TNN: variants seen among roughly 807,000 people sequenced by gnomAD.
TNN encodes tenascin-N.
In TNN, 122 loss-of-function variants were observed where a neutral mutation model predicts 134.4. That is an observed-to-expected ratio of 0.91 (90% CI 0.78 to 1.06). TNN has a LOEUF of 1.06. TNN is among the 50% of genes least tolerant of loss of function. The probability of loss-of-function intolerance (pLI) is 0.00; values close to 1 mark genes in which losing one functional copy is unlikely to be tolerated. For missense variants in TNN, 1,739 were observed against 1,699.4 expected (o/e 1.02, Z -0.41); for synonymous variants, 710 against 670.3 (o/e 1.06, Z -0.91).
chr1:175,107,724 G>A (rs1382077614), intron 9 of TNN, among the ~76,000 whole-genome samples: 9 of 135,744 alleles, frequency 6.6e-5, no homozygotes, highest in African/African-American at 2.0e-4. Context: ...TGGTAGAGCC[G>A]AGTGGCCTGT....
intron 5 of TNN, among the ~76,000 whole-genome samples, chr1:175,084,543 A>C (rs1323018666): frequency 6.6e-6 from 1 of 152,220 alleles, no homozygotes; most frequent in South Asian, 2.1e-4. Context: ...TTTTAAGAAA[A>C]GTAATACGCA....
intron 1 of TNN, among the ~76,000 whole-genome samples, chr1:175,072,005 G>A (rs1345817014): frequency 1.3e-5 from 2 of 152,104 alleles, no homozygotes; most frequent in Non-Finnish European, 2.9e-5. Flanking sequence ...AGGATACCTG[G>A]GCTAGAAACA....
At chr1:175,130,020 G>C (rs922282336) in intron 15 of TNN, among the ~76,000 whole-genome samples, 1 of 152,202 alleles carries the variant, frequency 6.6e-6, no homozygotes, top group Non-Finnish European at 1.5e-5. Context: ...CAGCTTCTTT[G>C]ATTGCATCAG....
rs1675578703 is a variant in TNN at position 175,128,156 on chromosome 1, T to C, written c.3170T>C (p.Leu1057Pro). Residue 1057 changes from leucine (L) to proline (P), a missense_variant, in exon 14 of 19, where the codon CTC (leucine) becomes CCC (proline). Transcript: ENST00000239462. ...CGGAGCAGAAATGTATCCACCACCC[T>C]CTCCACAGGTAATATGGAATCCTGT... is the stretch of plus-strand genomic sequence containing the variant. ...GRRSRNVSTTLSTVGARFPHP... is the reference protein window; with the variant it reads ...GRRSRNVSTTPSTVGARFPHP... 3.1e-6 allele frequency: 5 copies of C among 1,602,284 alleles called. No individual in the cohort carries two copies. In the South Asian group the frequency reaches 5.6e-5, roughly 18 times the overall value.
intron 6 of TNN, among the ~76,000 whole-genome samples, chr1:175,085,927 TATCCCTTTATGTAC>T (rs1674317988): frequency 6.6e-6 from 1 of 150,952 alleles, no homozygotes; most frequent in Admixed American, 6.6e-5. Flanking sequence ...AGAGAGAGTC[TATCCCTTTATGTAC>T]TGATGTCTAT....
chr1:175,073,522 C>A (rs1048121178), intron 1 of TNN, among the ~76,000 whole-genome samples: 2 of 152,174 alleles, frequency 1.3e-5, no homozygotes, highest in African/African-American at 4.8e-5. Flanking sequence ...CAGTATTGAG[C>A]CTCAGTCTCT....
Position 175,080,200 on chromosome 1 carries a change from G to C in TNN, c.822G>C (p.Thr274=), listed in dbSNP as rs747275638. ...AGGGCCTGCAGCTGCTCAAGAACACGGAGGATTCTCTGCTGGTGAGCTGGG... is the reference window on the plus strand; with the variant it reads ...AGGGCCTGCAGCTGCTCAAGAACACCGAGGATTCTCTGCTGGTGAGCTGGG... ...TPQGLQLLKN[T]EDSLLVSWEP... is the part of the protein sequence containing the mutation. Residue 274 remains threonine, a synonymous_variant, in exon 4 of 19, where the codon ACG becomes ACC. Transcript: ENST00000239462. 1 of 1,614,058 alleles carries C rather than the reference G, an allele frequency of 6.2e-7. No homozygotes were observed. The highest frequency in any genetic ancestry group is 8.5e-7 in the Non-Finnish European group (1 of 1,179,998).
At chr1:175,146,141 G>A (rs1438084600) in intron 18 of TNN, among the ~76,000 whole-genome samples, 1 of 152,172 alleles carries the variant, frequency 6.6e-6, no homozygotes, top group East Asian at 1.9e-4. Flanking sequence ...AGCTGGGGAG[G>A]GTGGGCCCAT....
At chr1:175,084,354 G>GGGT (rs1351402237) in intron 5 of TNN, among the ~76,000 whole-genome samples, 1 of 152,084 alleles carries the variant, frequency 6.6e-6, no homozygotes, top group Non-Finnish European at 1.5e-5. Flanking sequence ...ATGCATGGAA[G>GGGT]GGGTTGTGTT....
chr1:175,086,506 T>C (rs1464599747), intron 6 of TNN, among the ~76,000 whole-genome samples: 1 of 152,206 alleles, frequency 6.6e-6, no homozygotes, highest in Non-Finnish European at 1.5e-5. Flanking sequence ...ATCTAGAACA[T>C]AGTGCCATTC....
chr1:175,090,382 G>T (rs999303356), intron 6 of TNN, among the ~76,000 whole-genome samples: 1 of 152,194 alleles, frequency 6.6e-6, no homozygotes, highest in African/African-American at 2.4e-5. Context: ...TACAGAACGT[G>T]TAGGTATTGT....
At chr1:175,102,532 C>T (rs975952520) in intron 9 of TNN, among the ~76,000 whole-genome samples, 1 of 146,054 alleles carries the variant, frequency 6.8e-6, no homozygotes, top group Non-Finnish European at 1.5e-5. Context: ...CCCTCCGCAG[C>T]TGCTGGCCCG....
intron 9 of TNN, among the ~76,000 whole-genome samples, chr1:175,115,929 C>T (rs1411060576): frequency 6.6e-6 from 1 of 152,162 alleles, no homozygotes; most frequent in Non-Finnish European, 1.5e-5. Flanking sequence ...CTTACCTGGG[C>T]AATGGGGTGG....
At chr1:175,120,500 A>AG (rs1043143752) in intron 11 of TNN, among the ~76,000 whole-genome samples, 1 of 152,240 alleles carries the variant, frequency 6.6e-6, no homozygotes, top group Admixed American at 6.5e-5. Flanking sequence ...CAGGAGACCC[A>AG]GGCTTCTTCT....
chr1:175,079,538 C>T lies in TNN; in HGVS notation c.615C>T (p.Asn205=). 2 of 1,568,088 alleles carry T rather than the reference C, an allele frequency of 1.3e-6. No individual in the cohort carries two copies. Among genetic ancestry groups the T allele is most frequent in the Non-Finnish European group, 1.7e-6 (2 of 1,157,790 alleles). Residue 205 remains asparagine, a synonymous_variant, in exon 3 of 19, where the codon AAC becomes AAT. Transcript: ENST00000239462. ...GCGGCTACCCGGCCTGCCCTGAGAA[C>T]TGCAGCGGACACGGCGAGTGCGTGC... ...ADCGYPACPE[N]CSGHGECVRG...
chr1:175,109,389 A>G (rs1198662060), intron 9 of TNN, among the ~76,000 whole-genome samples: 8 of 151,882 alleles, frequency 5.3e-5, no homozygotes, highest in Non-Finnish European at 1.0e-4. Context: ...GGCCCGGCCT[A>G]TCTAACTGTA....
intron 11 of TNN, among the ~76,000 whole-genome samples, chr1:175,121,384 T>C (rs1227301850): frequency 1.3e-5 from 2 of 152,110 alleles, no homozygotes; most frequent in Admixed American, 6.5e-5. Flanking sequence ...TGCTGGAGCA[T>C]AGAGGGTGGA....
intron 12 of TNN, 27 bp downstream of exon 12, chr1:175,123,690 A>G (rs754615828): frequency 1.2e-6 from 2 of 1,612,780 alleles, no homozygotes; most frequent in African/African-American, 1.3e-5. Flanking sequence ...GGCCAGGGGA[A>G]CACCTCACAC....
chr1:175,094,182 C>A lies in TNN; in HGVS notation c.1517C>A (p.Ala506Glu). 6.2e-7 allele frequency: 1 copy of A among 1,614,088 alleles called. No individual in the cohort carries two copies. Among genetic ancestry groups the A allele is most frequent in the East Asian group, 2.2e-5 (1 of 44,874 alleles). ...TVLTGLKPGE[A>E]YKVYVWAERG... ...CTGACGGGCCTGAAGCCAGGAGAGG[C>A]ATACAAGGTCTACGTGTGGGCTGAA... Residue 506 changes from alanine to glutamate, a missense_variant, in exon 7 of 19, where the codon GCA becomes GAA. Physicochemically the swap from Ala to Glu is moderately radical, Grantham distance 107 (BLOSUM62 -1). Coordinates refer to ENST00000239462, the MANE Select transcript of TNN (RefSeq NM_022093.2).
Sources: gnomAD v4.1 joint callset for allele counts (sites outside exome capture counted in the v4.1 genomes callset) on GRCh38, gnomAD v4.1.1 for gene constraint, MANE v1.5 for transcripts, NCBI Gene and HGNC (gene_info 2026-07-23, HGNC 2026-07-21) for gene names.